FRS2: variants seen among roughly 807,000 people sequenced by gnomAD.
FRS2 encodes the protein FGFR signalling adaptor.
Under a neutral mutation model 43.9 loss-of-function variants are expected in FRS2, and 8 were observed. The ratio of observed to expected loss-of-function variants is 0.18; its 90% CI spans 0.11 to 0.33. The LOEUF is 0.33. Among genes scored for constraint, FRS2 ranks in the 10% least tolerant of loss-of-function variants. FRS2 has a pLI of 1.00. For missense variants in FRS2, 534 were observed against 627.6 expected (o/e 0.85, Z 1.59); for synonymous variants, 219 against 220.3 (o/e 0.99, Z 0.05).
chr12:69,474,687 A>T lies in FRS2; in HGVS notation c.-261+4157A>T, dbSNP rs768783490. ...ACTACTTCAGACTCATTTCATCCAGAGTGTCAGATTTGGTTACTTAAAAGC... is the reference window on the plus strand; with the variant it reads ...ACTACTTCAGACTCATTTCATCCAGTGTGTCAGATTTGGTTACTTAAAAGC... On this transcript the variant is annotated intron_variant, in intron 1 of 8. Transcript: ENST00000549921. Among the ~76,000 whole-genome samples, 16 of 152,296 alleles carry T rather than the reference A, an allele frequency of 1.1e-4. No individual in the cohort carries two copies. In the South Asian group the frequency reaches 1.4e-3, roughly 14 times the overall value.
intron 4 of FRS2, among the ~76,000 whole-genome samples, chr12:69,566,594 C>T (rs113722143): frequency 0.019 from 2,716 of 143,688 alleles, 84 homozygotes; most frequent in African/African-American, 0.068. Flanking sequence ...GCAACAAGAG[C>T]GAAATTCCGT....
At chr12:69,540,221 C>T (rs1249955140) in intron 3 of FRS2, among the ~76,000 whole-genome samples, 3 of 151,632 alleles carry the variant, frequency 2.0e-5, no homozygotes, top group Non-Finnish European at 4.4e-5. Context: ...CCACTGCACT[C>T]CAGCCTGGAC....
intron 1 of FRS2, among the ~76,000 whole-genome samples, chr12:69,495,424 C>T (rs912304630): frequency 2.0e-5 from 3 of 152,156 alleles, no homozygotes; most frequent in African/African-American, 4.8e-5. Flanking sequence ...GGCTTATTTA[C>T]CATTAGAAAT....
At chr12:69,504,716 C>T (rs1227512034) in intron 1 of FRS2, among the ~76,000 whole-genome samples, 2 of 152,088 alleles carry the variant, frequency 1.3e-5, no homozygotes, top group African/African-American at 4.8e-5. Context: ...ACTTTAAAAA[C>T]ACAAATAACT....
At chr12:69,491,140 G>C (rs1187831376) in intron 1 of FRS2, among the ~76,000 whole-genome samples, 1 of 152,070 alleles carries the variant, frequency 6.6e-6, no homozygotes, top group Non-Finnish European at 1.5e-5. Context: ...CTGTCACCCT[G>C]GCTGGAGTGC....
At chr12:69,551,705 GTATT>G (rs1275281640) in intron 3 of FRS2, among the ~76,000 whole-genome samples, 1 of 152,188 alleles carries the variant, frequency 6.6e-6, no homozygotes, top group Admixed American at 6.5e-5. Flanking sequence ...TTTTAGATCA[GTATT>G]TAAGAAGGGC....
chr12:69,556,009 G>T (rs1027425524), intron 3 of FRS2, among the ~76,000 whole-genome samples: 5 of 10,550 alleles, frequency 4.7e-4, no homozygotes, highest in Admixed American at 2.6e-3. Context: ...TGTGTGTGGC[G>T]GGGGGGGGGG....
intron 4 of FRS2, among the ~76,000 whole-genome samples, chr12:69,564,586 G>C (rs1880132001): frequency 6.6e-6 from 1 of 152,082 alleles, no homozygotes; most frequent in East Asian, 1.9e-4. Context: ...TTTCCATTAT[G>C]TCAAGTCAGT....
intron 1 of FRS2, among the ~76,000 whole-genome samples, chr12:69,471,890 C>A (rs1565706989): frequency 6.6e-6 from 1 of 152,124 alleles, no homozygotes; most frequent in Non-Finnish European, 1.5e-5. Context: ...TTCCTCCCAC[C>A]CCTGAAAGGG....
At chr12:69,568,469 T>C (rs893604412) in intron 4 of FRS2, among the ~76,000 whole-genome samples, 3 of 152,082 alleles carry the variant, frequency 2.0e-5, no homozygotes, top group Admixed American at 1.3e-4. Context: ...GGAGGATCAC[T>C]TGAGCCCAGG....
At chr12:69,471,316 A>C (rs1251292371) in intron 1 of FRS2, among the ~76,000 whole-genome samples, 1 of 151,700 alleles carries the variant, frequency 6.6e-6, no homozygotes, top group African/African-American at 2.4e-5. Context: ...TCTTTTGGCT[A>C]TCTGATGTCA....
intron 3 of FRS2, among the ~76,000 whole-genome samples, chr12:69,533,979 C>T (rs1439124956): frequency 6.6e-6 from 1 of 152,088 alleles, no homozygotes; most frequent in African/African-American, 2.4e-5. Context: ...TAATAGTAAC[C>T]ACTTGGCTTA....
chr12:69,545,771 A>C (rs61686694), intron 3 of FRS2, among the ~76,000 whole-genome samples: 28 of 146,886 alleles, frequency 1.9e-4, no homozygotes, highest in Admixed American at 1.7e-3. Flanking sequence ...AAAAAAAAAA[A>C]AAAAAAACAA....
At position 69,577,134 on chromosome 12, in the gene FRS2, C is replaced by A. The variant is rs1018617786; in HGVS notation, c.*2179C>A. The A allele has an allele frequency of 1.3e-5, 2 of 151,872 alleles. No homozygotes were observed. The allele number at this position is 151,872 out of a possible 1,614,324, so 9.4% of individuals were successfully genotyped here. A position where few individuals can be genotyped will look rare whatever the true frequency, so the allele number is the denominator to read the frequency against. On this transcript the variant is annotated 3_prime_UTR_variant, in exon 9 of 9. Coordinates refer to ENST00000549921, the MANE Select transcript of FRS2 (RefSeq NM_001278356.2). The stretch of plus-strand genomic sequence containing the variant: ...TTTCCGTCATCCTTTTCATTGTTTC[C>A]CCCGGATTCTAATTAGTTTTTATTT...
At position 69,572,180 on chromosome 12, in the gene FRS2, G is replaced by A. The variant is rs199962691; in HGVS notation, c.475G>A (p.Ala159Thr). 8 of 1,613,262 alleles carry A rather than the reference G, an allele frequency of 5.0e-6. No homozygotes were observed. The highest frequency in any genetic ancestry group is 1.1e-5 in the South Asian group (1 of 91,054). The change falls in exon 8 of 9, where the codon GCT becomes ACT. Residue 159 changes from alanine to threonine, a missense_variant. Ala to Thr is a moderately conservative substitution (Grantham distance 58). Coordinates refer to ENST00000549921, the MANE Select transcript of FRS2 (RefSeq NM_001278356.2). ...GYPRYPSFGD[A>T]SSHPSSRHPS... ...TCCCCGATATCCCTCATTTGGAGAT[G>A]CTTCATCCCATCCGTCAAGCAGACA...
intron 5 of FRS2, among the ~76,000 whole-genome samples, chr12:69,570,053 G>T (rs1370348102): frequency 1.3e-5 from 2 of 152,132 alleles, no homozygotes; most frequent in African/African-American, 4.8e-5. Flanking sequence ...AACAACCTTA[G>T]ACCACACTTC....
intron 1 of FRS2, among the ~76,000 whole-genome samples, chr12:69,504,212 G>A (rs1439074876): frequency 6.6e-6 from 1 of 152,064 alleles, no homozygotes; most frequent in South Asian, 2.1e-4. Flanking sequence ...AAATATGAGG[G>A]AAATGAATGC....
At chr12:69,565,982 G>GT (rs35354118) in intron 4 of FRS2, among the ~76,000 whole-genome samples, 61,260 of 151,246 alleles carry the variant, frequency 0.41, 12,990 homozygotes, top group South Asian at 0.53. Flanking sequence ...AGTGCAGTAG[G>GT]TTTTTTTTTA....
At chr12:69,493,953 C>T (rs1362284846) in intron 1 of FRS2, among the ~76,000 whole-genome samples, 1 of 152,146 alleles carries the variant, frequency 6.6e-6, no homozygotes, top group African/African-American at 2.4e-5. Context: ...CAGCTATTTA[C>T]GTGAATTTTA....
Sources: gnomAD v4.1 joint callset for allele counts (sites outside exome capture counted in the v4.1 genomes callset) on GRCh38, gnomAD v4.1.1 for gene constraint, MANE v1.5 for transcripts, NCBI Gene and HGNC (gene_info 2026-07-23, HGNC 2026-07-21) for gene names.